Variants in PDE6C observed in about 807,000 individuals in gnomAD.
The protein encoded by PDE6C is phosphodiesterase 6C.
A neutral mutation model predicts 113.1 loss-of-function variants in PDE6C; 75 were observed. The observed-to-expected ratio is 0.66, with a 90% CI of 0.55 to 0.80. PDE6C has a LOEUF of 0.80. Ranked by LOEUF, PDE6C falls within the 30% of genes least tolerant of loss-of-function variation. The pLI, the probability that PDE6C is intolerant of heterozygous loss-of-function variation, is 0.00. For missense variants in PDE6C, 912 were observed against 1,038.6 expected (o/e 0.88, Z 1.67); for synonymous variants, 375 against 363.7 (o/e 1.03, Z -0.35).
intron 11 of PDE6C, among the ~76,000 whole-genome samples, chr10:93,639,240 A>G (rs991779942): frequency 2.0e-5 from 3 of 152,152 alleles, no homozygotes; most frequent in African/African-American, 7.2e-5. Context: ...CCACCTGTCC[A>G]AGGACATTCA....
intron 14 of PDE6C, among the ~76,000 whole-genome samples, chr10:93,642,094 G>A (rs1453331337): frequency 6.6e-6 from 1 of 152,108 alleles, no homozygotes; most frequent in African/African-American, 2.4e-5. Context: ...TGCTGGGTGC[G>A]GTGGCTCACG....
At chr10:93,631,630 A>G (rs1030504256) in intron 8 of PDE6C, among the ~76,000 whole-genome samples, 7 of 152,200 alleles carry the variant, frequency 4.6e-5, no homozygotes. Context: ...CCTGTGCATC[A>G]TTCCGCACAG....
At chr10:93,634,146 C>A (rs1186427702) in intron 8 of PDE6C, among the ~76,000 whole-genome samples, 1 of 152,066 alleles carries the variant, frequency 6.6e-6, no homozygotes, top group Admixed American at 6.6e-5. Context: ...CCTCAGCCTC[C>A]CAAGTAGCTG....
At chr10:93,661,258 G>A (rs1032053050) in intron 18 of PDE6C, among the ~76,000 whole-genome samples, 3 of 152,120 alleles carry the variant, frequency 2.0e-5, no homozygotes, top group Non-Finnish European at 4.4e-5. Context: ...CTTCTCCCAT[G>A]TCATTGCTTC....
At chr10:93,656,912 A>G (rs1020566839) in intron 16 of PDE6C, among the ~76,000 whole-genome samples, 2 of 152,096 alleles carry the variant, frequency 1.3e-5, no homozygotes, top group African/African-American at 4.8e-5. Flanking sequence ...GACAAATACT[A>G]AGAATAATAA....
chr10:93,631,886 G>A (rs2058503544), intron 8 of PDE6C, among the ~76,000 whole-genome samples: 1 of 152,204 alleles, frequency 6.6e-6, no homozygotes, highest in Non-Finnish European at 1.5e-5. Flanking sequence ...CTGCTGTCAC[G>A]AATTGCCACT....
chr10:93,649,819 G>T (rs2058601499), intron 15 of PDE6C, among the ~76,000 whole-genome samples: 1 of 152,108 alleles, frequency 6.6e-6, no homozygotes, highest in Non-Finnish European at 1.5e-5. Flanking sequence ...TGGCCAGGCT[G>T]GTCTCGAACC....
At chr10:93,662,926 C>T (rs2058672672) in intron 20 of PDE6C, 102 bp from the exon 21 acceptor site, 6 of 1,043,622 alleles carry the variant, frequency 5.7e-6, no homozygotes, top group Non-Finnish European at 8.8e-6. Context: ...CCTAGCAGCT[C>T]TGAGTGCTGT....
chr10:93,626,006 A>C (rs2058471506), intron 5 of PDE6C, among the ~76,000 whole-genome samples: 1 of 152,126 alleles, frequency 6.6e-6, no homozygotes, highest in Non-Finnish European at 1.5e-5. Context: ...GGTTAGGTTT[A>C]CTTTCCCCCT....
intron 21 of PDE6C, among the ~76,000 whole-genome samples, chr10:93,664,972 G>A (rs561172848): frequency 1.3e-5 from 2 of 152,124 alleles, no homozygotes; most frequent in Non-Finnish European, 2.9e-5. Flanking sequence ...AGATTCAAGC[G>A]ATTCTCCCAC....
intron 11 of PDE6C, among the ~76,000 whole-genome samples, chr10:93,638,691 A>G (rs927962325): frequency 3.3e-5 from 5 of 152,230 alleles, no homozygotes; most frequent in African/African-American, 1.2e-4. Flanking sequence ...CAAATATTTC[A>G]GAGGAGTTCT....
Position 93,665,492 on chromosome 10 carries a change from C to T in PDE6C, c.*74C>T. 2.0e-6 allele frequency: 2 copies of T among 988,936 alleles called. No homozygotes were observed. The highest frequency in any genetic ancestry group is 3.2e-5 in the African/African-American group (2 of 63,128). The allele number at this position is 988,936 out of a possible 1,614,324, so 61.3% of individuals were successfully genotyped here. On this transcript the variant is annotated 3_prime_UTR_variant, in exon 22 of 22. Coordinates refer to ENST00000371447, the MANE Select transcript of PDE6C (RefSeq NM_006204.4). ...AACCAGAAAACATTCAAAAGAACTT[C>T]AACAAATCATCACGTAACAGGATCT...
intron 1 of PDE6C, among the ~76,000 whole-genome samples, chr10:93,618,064 G>A (rs2058427870): frequency 6.6e-6 from 1 of 152,194 alleles, no homozygotes. Flanking sequence ...GGTGGCATGA[G>A]TGAGGGAGTG....
chr10:93,629,190 C>T, intron 7 of PDE6C, 68 bp from the exon 8 acceptor site: 1 of 1,281,278 alleles, frequency 7.8e-7, no homozygotes, highest in Non-Finnish European at 1.1e-6. Flanking sequence ...CTTTCTTATT[C>T]TGCTTTGTGG....
intron 10 of PDE6C, among the ~76,000 whole-genome samples, chr10:93,636,669 T>C (rs1485152539): frequency 4.6e-5 from 7 of 152,174 alleles, no homozygotes; most frequent in Admixed American, 4.6e-4. Flanking sequence ...ATATATTAGA[T>C]TATTTCTTGA....
chr10:93,637,996 G>A (rs989594196), intron 11 of PDE6C, among the ~76,000 whole-genome samples: 2 of 152,166 alleles, frequency 1.3e-5, no homozygotes, highest in Middle Eastern at 3.4e-3. Context: ...ATCTTTTTTG[G>A]CTTTATTCCT....
In PDE6C at chr10:93,625,503, A is replaced by G. The variant is rs772036185; in HGVS notation, c.865-72A>G. On this transcript the variant is annotated intron_variant, in intron 4 of 21. Transcript: ENST00000371447. ...AGATTAACATAAAATATACAAACACATAAAATTCATATAAGATATGGTAGG... is the reference window on the plus strand; with the variant it reads ...AGATTAACATAAAATATACAAACACGTAAAATTCATATAAGATATGGTAGG... The G allele has an allele frequency of 2.9e-6, 3 of 1,030,220 alleles. No homozygotes were observed. The African/African-American group carries it at 4.7e-5, about 16-fold the overall frequency. 63.8% of individuals were successfully genotyped at this position (1,030,220 alleles called of 1,614,324 possible).
At chr10:93,616,369 G>T (rs192809466) in intron 1 of PDE6C, among the ~76,000 whole-genome samples, 2 of 152,336 alleles carry the variant, frequency 1.3e-5, no homozygotes, top group East Asian at 3.9e-4. Flanking sequence ...TAACAGGGAA[G>T]CCACTAGTAT....
chr10:93,625,677 A>G (rs1564797332), intron 5 of PDE6C, 28 bp downstream of exon 5: 1 of 1,501,656 alleles, frequency 6.7e-7, no homozygotes, highest in Non-Finnish European at 9.3e-7. Context: ...CCTTGATGCC[A>G]TCTGTGCATG....
Sources: gnomAD v4.1 joint callset for allele counts (sites outside exome capture counted in the v4.1 genomes callset) on GRCh38, gnomAD v4.1.1 for gene constraint, MANE v1.5 for transcripts, NCBI Gene and HGNC (gene_info 2026-07-23, HGNC 2026-07-21) for gene names.